Variants in CAPS2 observed in about 807,000 individuals in gnomAD.
CAPS2 encodes the protein calcyphosin-2.
Under a neutral mutation model 86.5 loss-of-function variants are expected in CAPS2, and 98 were observed. The observed-to-expected ratio is 1.13, with a 90% confidence interval of 0.96 to 1.34. The LOEUF (loss-of-function observed/expected upper bound fraction) is 1.34. Among genes scored for constraint, CAPS2 ranks in the 40% most tolerant of loss-of-function variants. CAPS2 has a pLI of 0.00. For missense variants in CAPS2, 729 were observed against 686.8 expected (o/e 1.06, Z -0.69); for synonymous variants, 210 against 225.1 (o/e 0.93, Z 0.60).
In CAPS2 at chr12:75,379,140, G is replaced by C. The variant is rs73364100; in HGVS notation, c.-395+11698C>G. On this transcript the variant is annotated intron_variant, in intron 1 of 5. Transcript: ENST00000551829. The stretch of plus-strand genomic sequence containing the variant: ...TACCCCTTTATACTTATTCATTCAA[G>C]AGCATATGATTTTCTTTAAGTCAGA... Among the ~76,000 whole-genome samples the C allele has an allele frequency of 4.8e-3, 731 of 152,060 alleles. 12 individuals carry two copies. Among genetic ancestry groups the C allele is most frequent in the African/African-American group, 0.017 (701 of 41,456 alleles).
exon 11 of CAPS2, chr12:75,298,691 T>C (rs2037307842): frequency 6.2e-7 from 1 of 1,613,046 alleles, no homozygotes; most frequent in Non-Finnish European, 8.5e-7. Context: ...ACTTACAACA[T>C]AAAAATCACC....
Position 75,284,057 on chromosome 12 carries a change from G to A in CAPS2, c.1515+904C>T, listed in dbSNP as rs147579563. Among the ~76,000 whole-genome samples, 71 of 152,242 alleles carry A rather than the reference G, an allele frequency of 4.7e-4. No homozygotes were observed. The East Asian group carries it at 7.5e-3, about 16-fold the overall frequency. On this transcript the variant is annotated intron_variant, in intron 15 of 16. Coordinates refer to ENST00000393284, the Ensembl canonical transcript of CAPS2. ...AGCCCAAGCAAACTAATACAGAACT[G>A]TATAACACTTCTCTTGCCCTCTATT...
intron 1 of CAPS2, among the ~76,000 whole-genome samples, chr12:75,374,074 G>A (rs2044519055): frequency 6.6e-6 from 1 of 152,142 alleles, no homozygotes; most frequent in Non-Finnish European, 1.5e-5. Flanking sequence ...AAGATAGCAG[G>A]GCTTTGCTCC....
intron 10 of CAPS2, 30 bp downstream of exon 10, chr12:75,298,841 C>G: frequency 6.3e-7 from 1 of 1,587,406 alleles, no homozygotes; most frequent in Non-Finnish European, 8.6e-7. Flanking sequence ...GTGAACATCT[C>G]CAGAGTTCTA....
chr12:75,315,266 ACC>A (rs2039638416), intron 6 of CAPS2, among the ~76,000 whole-genome samples: 1 of 152,200 alleles, frequency 6.6e-6, no homozygotes, highest in Admixed American at 6.5e-5. Context: ...TTATTGCAAT[ACC>A]CATTTCAAAT....
At chr12:75,333,397 T>C (rs536699093), upstream of CAPS2, among the ~76,000 whole-genome samples, 1 of 152,166 alleles carries the variant, frequency 6.6e-6, no homozygotes, top group Non-Finnish European at 1.5e-5. Context: ...CACATGTAGA[T>C]GTATATAACT....
Position 75,289,785 on chromosome 12 carries a change from A to C in CAPS2, c.1241-10T>G, listed in dbSNP as rs774483081. On this transcript the variant is annotated splice_polypyrimidine_tract_variant and intron_variant, in intron 13 of 16. Transcript: ENST00000393284. ...TTTTCTTTTAGCACATCTGTTCAAC[A>C]AGAAGAGAGATGAAAACAAATTGTT... 1.3e-6 allele frequency: 2 copies of C among 1,599,276 alleles called. No individual in the cohort carries two copies. Among genetic ancestry groups the C allele is most frequent in the Admixed American group, 1.7e-5 (1 of 58,282 alleles).
intron 1 of CAPS2, chr12:75,347,680 G>C (rs1002994323): frequency 1.9e-6 from 3 of 1,606,588 alleles, no homozygotes; most frequent in South Asian, 2.2e-5. Flanking sequence ...CCTAACCTTG[G>C]GGGAGCTTCA....
At chr12:75,279,387 C>T (rs923129602) in intron 16 of CAPS2, among the ~76,000 whole-genome samples, 5 of 151,740 alleles carry the variant, frequency 3.3e-5, no homozygotes, top group Non-Finnish European at 7.4e-5. Context: ...TCAGATAACA[C>T]TGAAAAGAGA....
chr12:75,291,557 A>ATATTT, intron 13 of CAPS2, among the ~76,000 whole-genome samples, 187 bp downstream of exon 13: 1 of 79,208 alleles, frequency 1.3e-5, no homozygotes, highest in Non-Finnish European at 2.4e-5. Context: ...TATATAGCTT[A>ATATTT]TTTTTAAAAG....
chr12:75,292,221 C>A (rs11180447), intron 12 of CAPS2, among the ~76,000 whole-genome samples: 86,977 of 151,478 alleles, frequency 0.57, 25,364 homozygotes, highest in South Asian at 0.75. Context: ...CACCTGCCAC[C>A]ACGCCCAGCT....
chr12:75,299,143 A>G (rs1304760451), intron 9 of CAPS2, among the ~76,000 whole-genome samples, 177 bp from the exon 10 acceptor site: 1 of 152,224 alleles, frequency 6.6e-6, no homozygotes, highest in Non-Finnish European at 1.5e-5. Flanking sequence ...AATGTCCACT[A>G]AAAGTTAGAT....
chr12:75,335,747 A>T (rs1003950942), intron 1 of CAPS2, among the ~76,000 whole-genome samples: 1 of 152,150 alleles, frequency 6.6e-6, no homozygotes, highest in African/African-American at 2.4e-5. Context: ...GAAATGAAAC[A>T]AGAATAAACT....
Position 75,376,156 on chromosome 12 carries a change from G to A in CAPS2, c.-395+14682C>T, listed in dbSNP as rs578199759. Among the ~76,000 whole-genome samples the A allele has an allele frequency of 5.3e-5, 8 of 152,244 alleles. No homozygotes were observed. The South Asian group carries it at 8.3e-4, about 16-fold the overall frequency. On this transcript the variant is annotated intron_variant, in intron 1 of 5. Transcript: ENST00000551829. ...TCCAGCTCACTCACAGTGGGCCATC[G>A]TTTGATCCATGTTTCAGCTAACCAA...
exon 6 of CAPS2, chr12:75,316,367 T>C (rs1343096174): frequency 2.6e-6 from 4 of 1,551,106 alleles, no homozygotes; most frequent in Non-Finnish European, 3.5e-6. Flanking sequence ...TGCATAACCT[T>C]GCTGTAAGAT....
At chr12:75,284,097 T>A (rs888308540) in intron 15 of CAPS2, among the ~76,000 whole-genome samples, 3 of 152,150 alleles carry the variant, frequency 2.0e-5, no homozygotes, top group African/African-American at 7.2e-5. Context: ...TTACTAAGAT[T>A]TATGAAAGAG....
intron 8 of CAPS2, among the ~76,000 whole-genome samples, chr12:75,301,929 T>C (rs1457262921): frequency 6.6e-6 from 1 of 152,216 alleles, no homozygotes; most frequent in Non-Finnish European, 1.5e-5. Flanking sequence ...GATTAAAGTA[T>C]GAATTTAGTA....
chr12:75,312,847 C>T lies in CAPS2; in HGVS notation c.659+1G>A, dbSNP rs868050764. ...TTCTATTACCAGTTGCTAATTCTCA[C>T]CTAGATAAGTGGTCTATCATCACTT... On this transcript the variant is annotated splice_donor_variant, in intron 7 of 16. Transcript: ENST00000393284. LOFTEE classifies it high-confidence loss of function. 7 of 1,546,138 alleles carry T rather than the reference C, an allele frequency of 4.5e-6. No individual in the cohort carries two copies. In the South Asian group the frequency reaches 7.8e-5, roughly 17 times the overall value.
exon 12 of CAPS2, chr12:75,293,361 T>C: frequency 2.5e-6 from 4 of 1,604,876 alleles, no homozygotes; most frequent in South Asian, 1.1e-5. Context: ...AATGTCAAGG[T>C]TGCACCCTAA....
Sources: gnomAD v4.1 joint callset for allele counts (sites outside exome capture counted in the v4.1 genomes callset) on GRCh38, gnomAD v4.1.1 for gene constraint, MANE v1.5 for transcripts, NCBI Gene and HGNC (gene_info 2026-07-23, HGNC 2026-07-21) for gene names.